The following LIMCH1 variants were observed in gnomAD, a reference collection of about 807,000 sequenced individuals.
LIMCH1 encodes LIM and calponin homology domains-containing protein 1.
In LIMCH1, 113 loss-of-function variants were observed where a neutral mutation model predicts 176.5. The ratio of observed to expected loss-of-function variants is 0.64; its 90% CI spans 0.55 to 0.75. The LOEUF (loss-of-function observed/expected upper bound fraction) is 0.75. Ranked by LOEUF, LIMCH1 falls within the 30% of genes least tolerant of loss-of-function variation. The probability of loss-of-function intolerance (pLI) is 0.00; values close to 1 mark genes in which losing one functional copy is unlikely to be tolerated. For missense variants in LIMCH1, 1,674 were observed against 1,814.9 expected, an observed-to-expected ratio of 0.92 and a Z score of 1.41; for synonymous variants, 619 against 645.9, an observed-to-expected ratio of 0.96 and a Z score of 0.63.
At chr4:41,416,400 C>T (rs2059937810) in intron 1 of LIMCH1, among the ~76,000 whole-genome samples, 1 of 151,910 alleles carries the variant, frequency 6.6e-6, no homozygotes, top group Non-Finnish European at 1.5e-5. Flanking sequence ...GCTTGTAATC[C>T]CAGCACTTTG....
At chr4:41,601,807 C>T (rs2089972057) in intron 2 of LIMCH1, among the ~76,000 whole-genome samples, 1 of 152,114 alleles carries the variant, frequency 6.6e-6, no homozygotes, top group South Asian at 2.1e-4. Flanking sequence ...TAATTTGGCA[C>T]TGTGCAGGGA....
At chr4:41,550,372 C>T (rs760689993) in intron 1 of LIMCH1, among the ~76,000 whole-genome samples, 1 of 151,658 alleles carries the variant, frequency 6.6e-6, no homozygotes, top group Non-Finnish European at 1.5e-5. Flanking sequence ...TTTTATTCTC[C>T]TAGGTATTTA....
chr4:41,484,293 C>A (rs1296145876), intron 1 of LIMCH1, among the ~76,000 whole-genome samples: 1 of 152,148 alleles, frequency 6.6e-6, no homozygotes, highest in East Asian at 1.9e-4. Flanking sequence ...AGGGTTGGGA[C>A]CAGATCTTGT....
intron 2 of LIMCH1, among the ~76,000 whole-genome samples, chr4:41,495,281 A>G (rs1352432984): frequency 6.6e-6 from 1 of 152,222 alleles, no homozygotes; most frequent in African/African-American, 2.4e-5. Flanking sequence ...TGTGATTTCA[A>G]TACTGATTTT....
intron 1 of LIMCH1, among the ~76,000 whole-genome samples, chr4:41,412,817 C>G (rs2059606645): frequency 6.6e-6 from 1 of 151,994 alleles, no homozygotes; most frequent in African/African-American, 2.4e-5. Flanking sequence ...AAGGATCCAC[C>G]ATGTCAAGAG....
intron 1 of LIMCH1, among the ~76,000 whole-genome samples, chr4:41,576,215 T>C (rs1352496850): frequency 1.3e-5 from 2 of 152,248 alleles, no homozygotes; most frequent in African/African-American, 4.8e-5. Flanking sequence ...ATTTCCAGTC[T>C]TGTGTTTCTG....
At chr4:41,650,323 C>T (rs1006171892) in intron 17 of LIMCH1, 70 bp from the exon 18 acceptor site, 24 of 1,057,244 alleles carry the variant, frequency 2.3e-5, no homozygotes, top group South Asian at 5.6e-5. Flanking sequence ...TAATTCTGAA[C>T]GTGTCGTTTT....
chr4:41,481,793 G>T (rs559609603), intron 1 of LIMCH1, among the ~76,000 whole-genome samples: 1 of 152,180 alleles, frequency 6.6e-6, no homozygotes, highest in South Asian at 2.1e-4. Flanking sequence ...GGTGGAACAG[G>T]TCGGAGTAGG....
At chr4:41,472,968 G>A in intron 1 of LIMCH1, 2 of 942,622 alleles carry the variant, frequency 2.1e-6, no homozygotes, top group Non-Finnish European at 2.5e-6. Flanking sequence ...TTTGGGAAAT[G>A]CTGCTGTAAG....
rs138872911 is a variant in LIMCH1 at position 41,371,119 on chromosome 4, C to T, written c.96+10183C>T. Among the ~76,000 whole-genome samples the T allele has an allele frequency of 9.1e-3, 1,382 of 152,178 alleles. 26 individuals carry two copies. Among genetic ancestry groups the T allele is most frequent in the African/African-American group, 0.03 (1,266 of 41,518 alleles). On this transcript the variant is annotated intron_variant, in intron 1 of 26. Coordinates refer to the LIMCH1 transcript ENST00000313860. ...ATTTGGGACCCTTTAGAAGTAAAAG[C>T]GAAACTTCTAAAAAGATCATGGTCC...
At chr4:41,510,378 C>T (rs752006507) in intron 2 of LIMCH1, among the ~76,000 whole-genome samples, 4 of 152,180 alleles carry the variant, frequency 2.6e-5, no homozygotes, top group Non-Finnish European at 5.9e-5. Context: ...CTGGATTAGG[C>T]TTTGCTTAGA....
At chr4:41,450,172 A>G (rs2063715118) in intron 1 of LIMCH1, among the ~76,000 whole-genome samples, 1 of 152,230 alleles carries the variant, frequency 6.6e-6, no homozygotes, top group Non-Finnish European at 1.5e-5. Context: ...ACACAATTAA[A>G]GTTATATATT....
At chr4:41,610,389 T>G (rs2091283450) in intron 4 of LIMCH1, among the ~76,000 whole-genome samples, 1 of 152,156 alleles carries the variant, frequency 6.6e-6, no homozygotes, top group Admixed American at 6.5e-5. Context: ...GATGGTAAAT[T>G]AGGCTCAAGA....
intron 1 of LIMCH1, among the ~76,000 whole-genome samples, chr4:41,381,960 G>T (rs1214093540): frequency 6.6e-6 from 1 of 152,194 alleles, no homozygotes; most frequent in Non-Finnish European, 1.5e-5. Context: ...ACTGCCAAAG[G>T]TGTGACAACC....
chr4:41,578,476 A>G (rs2084867100), intron 1 of LIMCH1, among the ~76,000 whole-genome samples: 1 of 152,196 alleles, frequency 6.6e-6, no homozygotes, highest in Non-Finnish European at 1.5e-5. Flanking sequence ...CTTCTAAAAT[A>G]TAGTATAGAA....
At chr4:41,669,005 C>T (rs1208865812) in intron 21 of LIMCH1, among the ~76,000 whole-genome samples, 1 of 152,128 alleles carries the variant, frequency 6.6e-6, no homozygotes, top group Non-Finnish European at 1.5e-5. Context: ...ATGTGGGAAT[C>T]ATGGGAGCTT....
chr4:41,625,870 A>G (rs1334668458), intron 7 of LIMCH1, among the ~76,000 whole-genome samples: 1 of 152,168 alleles, frequency 6.6e-6, no homozygotes, highest in Non-Finnish European at 1.5e-5. Flanking sequence ...GTTGGAGCCC[A>G]GGACTGTTTG....
At chr4:41,580,746 T>TA in intron 1 of LIMCH1, among the ~76,000 whole-genome samples, 1 of 152,076 alleles carries the variant, frequency 6.6e-6, no homozygotes, top group Middle Eastern at 3.4e-3. Flanking sequence ...GAAAGACCAG[T>TA]AAAATATATA....
chr4:41,379,432 A>G (rs1310518230), intron 1 of LIMCH1, among the ~76,000 whole-genome samples: 1 of 152,184 alleles, frequency 6.6e-6, no homozygotes, highest in Non-Finnish European at 1.5e-5. Context: ...CTGGCTTCAG[A>G]CTTCACATGT....
Sources: gnomAD v4.1 joint callset for allele counts (sites outside exome capture counted in the v4.1 genomes callset) on GRCh38, gnomAD v4.1.1 for gene constraint, MANE v1.5 for transcripts, NCBI Gene and HGNC (gene_info 2026-07-23, HGNC 2026-07-21) for gene names.